Variants in ATAD1 observed in about 807,000 individuals in gnomAD.
ATAD1 encodes outer mitochondrial transmembrane helix translocase.
Under a neutral mutation model 42.7 loss-of-function variants are expected in ATAD1, and 18 were observed. The observed-to-expected ratio is 0.42, with a 90% CI of 0.29 to 0.63. The LOEUF is 0.63. Ranked by LOEUF, ATAD1 falls within the 20% of genes least tolerant of loss-of-function variation. The pLI, the probability that ATAD1 is intolerant of heterozygous loss-of-function variation, is 0.19. For synonymous variants in ATAD1, 132 were observed against 143.1 expected (o/e 0.92, Z 0.55); for missense variants, 294 against 440.4 (o/e 0.67, Z 2.98).
At chr10:87,782,222 G>A (rs1855599180) in intron 5 of ATAD1, among the ~76,000 whole-genome samples, 1 of 152,168 alleles carries the variant, frequency 6.6e-6, no homozygotes, top group Non-Finnish European at 1.5e-5. Flanking sequence ...GAATGCAGTG[G>A]AATTGTAGCT....
rs557641207 is a variant in ATAD1, at chr10:87,757,023, G to A, written c.832-101C>T. On this transcript the variant is annotated intron_variant, in intron 8 of 9. Coordinates refer to ENST00000680024, the MANE Select transcript of ATAD1 (RefSeq NM_001321967.2). The stretch of plus-strand genomic sequence containing the variant: ...AAAGAAAGTTAAGCATATTATAACT[G>A]CATGGGAGGAGAAACAATAGTTTCT... 2.6e-5 allele frequency: 24 copies of A among 925,728 alleles called. No individual in the cohort carries two copies. In the African/African-American group the frequency reaches 2.9e-4, roughly 11 times the overall value. 57.3% of individuals were successfully genotyped at this position (925,728 alleles called of 1,614,324 possible). A position where few individuals can be genotyped will look rare whatever the true frequency, so the allele number is the denominator to read the frequency against.
intron 2 of ATAD1, among the ~76,000 whole-genome samples, chr10:87,808,869 A>AT (rs1857050456): frequency 6.6e-6 from 1 of 152,198 alleles, no homozygotes; most frequent in Admixed American, 6.5e-5. Context: ...ACAGACTACT[A>AT]TAGGTTTTAG....
chr10:87,773,145 CCT>C (rs1390527565), intron 6 of ATAD1, among the ~76,000 whole-genome samples: 2 of 151,856 alleles, frequency 1.3e-5, no homozygotes, highest in Non-Finnish European at 2.9e-5. Flanking sequence ...CACATATACC[CCT>C]GAATTTAAAA....
At chr10:87,780,182 T>C (rs1274114511) in intron 5 of ATAD1, among the ~76,000 whole-genome samples, 1 of 152,110 alleles carries the variant, frequency 6.6e-6, no homozygotes, top group Non-Finnish European at 1.5e-5. Flanking sequence ...CTTAAATGCA[T>C]ATTGCTAAGG....
chr10:87,757,633 G>A (rs190546802), intron 8 of ATAD1, among the ~76,000 whole-genome samples: 25 of 152,164 alleles, frequency 1.6e-4, no homozygotes, highest in South Asian at 2.1e-4. Context: ...AGGTAAACAC[G>A]GTCAGAGCCA....
chr10:87,813,761 ATGT>A lies in ATAD1; in HGVS notation c.162+674_162+676del, dbSNP rs1472528030. Among the ~76,000 whole-genome samples, 7 of 152,146 alleles carry A rather than the reference ATGT, an allele frequency of 4.6e-5. No individual in the cohort carries two copies. In the South Asian group the frequency reaches 1.2e-3, roughly 27 times the overall value. On this transcript the variant is annotated intron_variant, in intron 2 of 9. Transcript: ENST00000680024. ...CTATTTAATTATTTTAAGATAAATT[ATGT>A]TATTATACCATAAGATATTCAATAA...
chr10:87,781,796 C>T (rs1392062700), intron 5 of ATAD1, among the ~76,000 whole-genome samples: 1 of 152,084 alleles, frequency 6.6e-6, no homozygotes, highest in East Asian at 1.9e-4. Context: ...GCATGCGTTA[C>T]CACACCCGGC....
At chr10:87,756,947 TA>T (rs1474481468) in intron 8 of ATAD1, 25 bp from the exon 9 acceptor site, 5 of 1,560,214 alleles carry the variant, frequency 3.2e-6, no homozygotes, top group Middle Eastern at 1.8e-4. Context: ...AAAACATGCT[TA>T]AAAAACAAAA....
At chr10:87,759,984 A>G (rs1854406254) in intron 8 of ATAD1, among the ~76,000 whole-genome samples, 1 of 152,186 alleles carries the variant, frequency 6.6e-6, no homozygotes, top group Non-Finnish European at 1.5e-5. Context: ...TCCCAAGTTA[A>G]AAAGCTTTTG....
intron 2 of ATAD1, among the ~76,000 whole-genome samples, chr10:87,805,889 T>G (rs768288215): frequency 6.6e-6 from 1 of 152,082 alleles, no homozygotes; most frequent in African/African-American, 2.4e-5. Context: ...CTAAATTTAC[T>G]GATCACTTTC....
At position 87,810,054 on chromosome 10, in the gene ATAD1, A is replaced by G. The variant is rs1004324373; in HGVS notation, c.162+4384T>C. ...AAAGTCTTGATTTTATGTCTTTTCA[A>G]AAAAACAATTTTGGGTTTTATTGAT... On this transcript the variant is annotated intron_variant, in intron 2 of 9. Transcript: ENST00000680024. 2.0e-5 allele frequency among the ~76,000 whole-genome samples: 3 copies of G among 152,254 alleles called. No homozygotes were observed. The East Asian group carries it at 5.8e-4, about 29-fold the overall frequency.
intron 4 of ATAD1, among the ~76,000 whole-genome samples, chr10:87,786,562 T>G (rs1855842960): frequency 6.6e-6 from 1 of 152,250 alleles, no homozygotes; most frequent in Admixed American, 6.5e-5. Context: ...ATCCTAACTT[T>G]CTGGGGACAG....
At position 87,799,783 on chromosome 10, in the gene ATAD1, ATTTT is replaced by A. The variant is rs572002251; in HGVS notation, c.163-7032_163-7029del. On this transcript the variant is annotated intron_variant, in intron 2 of 9. Transcript: ENST00000680024. ...TCAATAAAATATATTGTAGAAAAAT[ATTTT>A]TTTTTTTAAAAAGTGTGTCCTTTTT... 4.5e-5 allele frequency among the ~76,000 whole-genome samples: 6 copies of A among 134,790 alleles called. 1 individual carries two copies. The highest frequency in any genetic ancestry group is 2.0e-4 in the East Asian group (1 of 4,954). The allele number at this position is 134,790 out of a possible 152,430, so 88.4% of individuals were successfully genotyped here.
At chr10:87,787,134 G>T (rs901725301) in intron 4 of ATAD1, among the ~76,000 whole-genome samples, 3 of 152,118 alleles carry the variant, frequency 2.0e-5, no homozygotes, top group African/African-American at 7.2e-5. Context: ...GAGGCATTTA[G>T]CTTTTATTAT....
intron 4 of ATAD1, among the ~76,000 whole-genome samples, chr10:87,789,889 T>A (rs1564760638): frequency 1.3e-5 from 2 of 152,172 alleles, no homozygotes; most frequent in African/African-American, 4.8e-5. Flanking sequence ...AATTTCTAGT[T>A]CATCTGCAGA....
Position 87,818,188 on chromosome 10 carries a change from G to T in ATAD1, c.-35C>A. ...TCACCCAGGGGCAGAAACAGCAAGA[G>T]CAAGTGCCCTCAGCCGGCCTCACAC... On this transcript the variant is annotated 5_prime_UTR_variant, in exon 1 of 10. Transcript: ENST00000680024. The T allele has an allele frequency of 1.0e-6, 1 of 985,732 alleles. No individual in the cohort carries two copies. Among genetic ancestry groups the T allele is most frequent in the Non-Finnish European group, 1.2e-6 (1 of 830,152 alleles). 61.1% of individuals were successfully genotyped at this position (985,732 alleles called of 1,614,324 possible). A position where few individuals can be genotyped will look rare whatever the true frequency, so the allele number is the denominator to read the frequency against.
Position 87,784,455 on chromosome 10 carries a change from G to GA in ATAD1, c.583+14dup, listed in dbSNP as rs1352493725. On this transcript the variant is annotated intron_variant, in intron 5 of 9. Transcript: ENST00000680024. ...AATGGCCTTTAAAAATACTCATATA[G>GA]AAAACATAGCATACCTATTTCATCT... The GA allele has an allele frequency of 6.2e-7, 1 of 1,609,658 alleles. No homozygotes were observed. Among genetic ancestry groups the GA allele is most frequent in the East Asian group, 2.2e-5 (1 of 44,778 alleles).
intron 8 of ATAD1, 116 bp from the exon 9 acceptor site, chr10:87,757,038 C>A: frequency 2.5e-6 from 2 of 804,652 alleles, no homozygotes; most frequent in Non-Finnish European, 3.5e-6. Flanking sequence ...GGAGGAGAAA[C>A]AATAGTTTCT....
At chr10:87,827,944 G>GT (rs144105689) in intron 1 of ATAD1, among the ~76,000 whole-genome samples, 2,210 of 151,856 alleles carry the variant, frequency 0.015, 64 homozygotes, top group African/African-American at 0.049. Flanking sequence ...AGGAAAAGTG[G>GT]TTTTTTTTGG....
Sources: gnomAD v4.1 joint callset for allele counts (sites outside exome capture counted in the v4.1 genomes callset) on GRCh38, gnomAD v4.1.1 for gene constraint, MANE v1.5 for transcripts, NCBI Gene and HGNC (gene_info 2026-07-23, HGNC 2026-07-21) for gene names.